EIF3H: variants seen among roughly 807,000 people sequenced by gnomAD.
The protein encoded by EIF3H is eIF-3-gamma.
Under a neutral mutation model 44.2 loss-of-function variants are expected in EIF3H, and 26 were observed. The observed-to-expected ratio is 0.59, with a 90% CI of 0.43 to 0.82. The LOEUF is 0.82. EIF3H is among the 40% of genes least tolerant of loss of function. The pLI is 0.00. For synonymous variants in EIF3H, 166 were observed against 151.9 expected (o/e 1.09, Z -0.68); for missense variants, 359 against 432.8 (o/e 0.83, Z 1.51).
At chr8:116,739,947 T>C (rs139453422) in intron 1 of EIF3H, among the ~76,000 whole-genome samples, 112 of 152,182 alleles carry the variant, frequency 7.4e-4, no homozygotes, top group South Asian at 3.1e-3. Flanking sequence ...ACCAACACTT[T>C]AGTAAAATAC....
intron 2 of EIF3H, among the ~76,000 whole-genome samples, chr8:116,680,348 G>A (rs1461106487): frequency 3.5e-5 from 2 of 56,750 alleles, no homozygotes; most frequent in Non-Finnish European, 8.3e-5. Context: ...CATTGGGGAT[G>A]GGCCATGATG....
Position 116,645,006 on chromosome 8 carries a change from T to A in EIF3H, c.1059A>T (p.Ter353TyrextTer14), listed in dbSNP as rs1216634154. The change falls in exon 8 of 8, where the codon TAA becomes TAT. Residue 353 changes from the stop codon to tyrosine, a stop_lost. Coordinates refer to ENST00000521861, the MANE Select transcript of EIF3H (RefSeq NM_003756.3). ...CTTCTTTTCTGGAAACTTCCTTTTC[T>A]TAGTTGTTGTATTCTTGAAGAGCCT... is the stretch of plus-strand genomic sequence containing the variant. Reference protein sequence around the residue: ...MAQALQEYNN* With the variant: ...MAQALQEYNNY 1 of 1,612,946 alleles carries A rather than the reference T, an allele frequency of 6.2e-7. No homozygotes were observed. The highest frequency in any genetic ancestry group is 8.5e-7 in the Non-Finnish European group (1 of 1,179,250).
chr8:116,740,673 T>C (rs1265509779), intron 1 of EIF3H, among the ~76,000 whole-genome samples: 1 of 151,966 alleles, frequency 6.6e-6, no homozygotes, highest in Non-Finnish European at 1.5e-5. Flanking sequence ...TTTGCAAAAA[T>C]GTAATGTTTG....
intron 1 of EIF3H, chr8:116,737,239 C>T (rs1450560721): frequency 4.5e-6 from 2 of 447,700 alleles, no homozygotes; most frequent in African/African-American, 2.0e-5. Context: ...CTACGAACCT[C>T]TTAAAATCAT....
At chr8:116,689,769 G>A (rs1186325507) in intron 2 of EIF3H, among the ~76,000 whole-genome samples, 3 of 152,066 alleles carry the variant, frequency 2.0e-5, no homozygotes, top group African/African-American at 7.2e-5. Flanking sequence ...CAAGAACGCT[G>A]GAAACCATGT....
intron 1 of EIF3H, among the ~76,000 whole-genome samples, chr8:116,751,278 G>C (rs760283580): frequency 1.3e-5 from 2 of 151,670 alleles, no homozygotes; most frequent in Non-Finnish European, 2.9e-5. Flanking sequence ...GAAGAAGGCA[G>C]GGGAAAACAA....
At chr8:116,702,529 T>A (rs1001681039) in intron 2 of EIF3H, among the ~76,000 whole-genome samples, 1 of 152,190 alleles carries the variant, frequency 6.6e-6, no homozygotes, top group Non-Finnish European at 1.5e-5. Context: ...GAACCAAGCT[T>A]CACATACTCC....
chr8:116,726,034 C>T lies in EIF3H; in HGVS notation c.271G>A (p.Asp91Asn). The part of the protein sequence containing the change: ...CFPFPQHTED[D>N]ADFDEVQYQM... The stretch of plus-strand genomic sequence containing the variant: ...CCCTTACCTTCATCAAAGTCAGCAT[C>T]ATCCTCTGTGTGCTGAGGGAAAGGA... The change falls in exon 2 of 8, where the codon GAT becomes AAT. Residue 91 changes from aspartate to asparagine, a missense_variant. Asp to Asn is a conservative substitution (Grantham distance 23, BLOSUM62 1). This residue lies in a region of EIF3H where 91 missense variants were observed against 164.6 expected (regional missense o/e 0.55). Coordinates refer to ENST00000521861, the MANE Select transcript of EIF3H (RefSeq NM_003756.3). The T allele has an allele frequency of 6.2e-7, 1 of 1,613,896 alleles. No homozygotes were observed. Among genetic ancestry groups the T allele is most frequent in the Non-Finnish European group, 8.5e-7 (1 of 1,179,878 alleles).
chr8:116,714,813 A>G (rs948005306), intron 2 of EIF3H, among the ~76,000 whole-genome samples: 5 of 152,224 alleles, frequency 3.3e-5, no homozygotes, highest in African/African-American at 2.4e-5. Flanking sequence ...AAGTAAACAC[A>G]TGTCTATTCA....
chr8:116,716,937 G>A (rs900339958), intron 2 of EIF3H, among the ~76,000 whole-genome samples: 1 of 151,928 alleles, frequency 6.6e-6, no homozygotes, highest in Non-Finnish European at 1.5e-5. Context: ...GAAATATTTG[G>A]TATATTACCT....
intron 2 of EIF3H, among the ~76,000 whole-genome samples, chr8:116,660,329 T>C (rs77360996): frequency 1.3e-5 from 2 of 152,368 alleles, no homozygotes; most frequent in Non-Finnish European, 2.9e-5. Context: ...CTTTTGGTTA[T>C]ACCACTATGG....
chr8:116,676,532 G>A (rs1035939136), intron 2 of EIF3H, among the ~76,000 whole-genome samples: 3 of 152,066 alleles, frequency 2.0e-5, no homozygotes, highest in South Asian at 2.1e-4. Flanking sequence ...GGGGGAAACC[G>A]CCCCCCATGA....
intron 2 of EIF3H, among the ~76,000 whole-genome samples, chr8:116,702,574 A>G (rs1814395734): frequency 6.6e-6 from 1 of 152,194 alleles, no homozygotes; most frequent in African/African-American, 2.4e-5. Context: ...ACCTTATATC[A>G]TGCCTTAGAC....
chr8:116,679,185 G>T (rs1214437683), intron 2 of EIF3H, among the ~76,000 whole-genome samples: 2 of 40,530 alleles, frequency 4.9e-5, no homozygotes, highest in Non-Finnish European at 6.0e-5. Context: ...TCAGCCCCCC[G>T]CCCGGCCAGC....
At chr8:116,700,178 C>G (rs1475308811) in intron 2 of EIF3H, among the ~76,000 whole-genome samples, 2 of 152,106 alleles carry the variant, frequency 1.3e-5, no homozygotes, top group African/African-American at 4.8e-5. Flanking sequence ...TGCCAAGTTG[C>G]CACTTAGAAG....
chr8:116,653,480 G>T (rs1182406408), intron 5 of EIF3H, among the ~76,000 whole-genome samples: 2 of 151,992 alleles, frequency 1.3e-5, no homozygotes, highest in Non-Finnish European at 2.9e-5. Flanking sequence ...AGTTTAACTA[G>T]GATGCTGAAA....
chr8:116,734,828 T>C (rs1815007107), intron 1 of EIF3H, among the ~76,000 whole-genome samples: 2 of 152,210 alleles, frequency 1.3e-5, no homozygotes, highest in African/African-American at 4.8e-5. Context: ...CCAAAAGTGC[T>C]AGGATTACAG....
At chr8:116,736,162 G>A (rs1021075348) in intron 1 of EIF3H, among the ~76,000 whole-genome samples, 1 of 152,184 alleles carries the variant, frequency 6.6e-6, no homozygotes, top group African/African-American at 2.4e-5. Flanking sequence ...TCATTTATAT[G>A]AAATTCTAGA....
chr8:116,695,519 T>C (rs1204336769), intron 2 of EIF3H, among the ~76,000 whole-genome samples: 3 of 152,178 alleles, frequency 2.0e-5, no homozygotes, highest in African/African-American at 7.2e-5. Flanking sequence ...AGGAGGCCTG[T>C]CCACTTTACA....
Sources: gnomAD v4.1 joint callset for allele counts (sites outside exome capture counted in the v4.1 genomes callset) on GRCh38, gnomAD v4.1.1 for gene constraint, gnomAD v4.1.1 regional missense constraint, MANE v1.5 for transcripts, NCBI Gene and HGNC (gene_info 2026-07-23, HGNC 2026-07-21) for gene names.